STXBP5L: variants seen among roughly 807,000 people sequenced by gnomAD.
The protein encoded by STXBP5L is syntaxin-binding protein 5-like.
Under a neutral mutation model 144.5 loss-of-function variants are expected in STXBP5L, and 65 were observed. The observed-to-expected ratio is 0.45, with a 90% CI of 0.37 to 0.55. The LOEUF (loss-of-function observed/expected upper bound fraction) is 0.55, where lower values mean the gene tolerates loss of function less well. STXBP5L is among the 20% of genes least tolerant of loss of function. The pLI is 0.00. For synonymous variants in STXBP5L, 505 were observed against 469.6 expected, an observed-to-expected ratio of 1.08 and a Z score of -0.97; for missense variants, 1,298 against 1,405.5, an observed-to-expected ratio of 0.92 and a Z score of 1.22.
At chr3:121,377,867 A>C (rs1376986109) in intron 20 of STXBP5L, among the ~76,000 whole-genome samples, 2 of 152,230 alleles carry the variant, frequency 1.3e-5, no homozygotes, top group African/African-American at 4.8e-5. Context: ...AGACACATGC[A>C]CACATATGTT....
intron 3 of STXBP5L, among the ~76,000 whole-genome samples, chr3:121,002,430 T>A (rs2108051318): frequency 6.6e-6 from 1 of 152,282 alleles, no homozygotes; most frequent in African/African-American, 2.4e-5. Context: ...TATATGAGTT[T>A]CTTTTATATA....
chr3:121,223,072 C>G lies in STXBP5L; in HGVS notation c.1026C>G (p.Ile342Met). 6.2e-7 allele frequency: 1 copy of G among 1,613,104 alleles called. No individual in the cohort carries two copies. The highest frequency in any genetic ancestry group is 8.5e-7 in the Non-Finnish European group (1 of 1,179,514). ...DKACRRPSLT[I>M]MHGKAITVLE... Reference sequence around the variant, plus strand: ...CTTGTAGAAGACCAAGTTTAACCATCATGCATGGAAAAGCAATTACAGTAC... The same window carrying G: ...CTTGTAGAAGACCAAGTTTAACCATGATGCATGGAAAAGCAATTACAGTAC... The change falls in exon 11 of 27, where the codon ATC becomes ATG. Residue 342 changes from isoleucine (I) to methionine (M), a missense_variant. Coordinates refer to ENST00000471454, the MANE Select transcript of STXBP5L (RefSeq NM_001308330.2).
At chr3:121,261,353 A>C (rs1274868844) in intron 18 of STXBP5L, among the ~76,000 whole-genome samples, 1 of 152,188 alleles carries the variant, frequency 6.6e-6, no homozygotes, top group Non-Finnish European at 1.5e-5. Flanking sequence ...TTTTAAAGAA[A>C]TAAATTTTAC....
chr3:121,196,015 A>T (rs1051630100), intron 9 of STXBP5L, among the ~76,000 whole-genome samples: 4 of 151,872 alleles, frequency 2.6e-5, no homozygotes, highest in African/African-American at 9.7e-5. Flanking sequence ...GTTCAATAGT[A>T]CTTTGGCTAT....
At chr3:121,411,601 C>T (rs767947821) in intron 23 of STXBP5L, among the ~76,000 whole-genome samples, 18 of 151,978 alleles carry the variant, frequency 1.2e-4, no homozygotes, top group Admixed American at 2.0e-4. Context: ...AGCATATAGC[C>T]ATGGGGTAAG....
intron 20 of STXBP5L, among the ~76,000 whole-genome samples, chr3:121,372,318 C>T (rs1056745494): frequency 3.9e-5 from 6 of 152,148 alleles, no homozygotes; most frequent in African/African-American, 1.4e-4. Context: ...CTCACAGTTT[C>T]CCTAGGGTTA....
At chr3:121,238,906 T>G in intron 12 of STXBP5L, 65 bp from the exon 13 acceptor site, 1 of 1,406,648 alleles carries the variant, frequency 7.1e-7, no homozygotes, top group South Asian at 1.5e-5. Context: ...GGGCTTACTT[T>G]ATCAAAATTA....
intron 7 of STXBP5L, among the ~76,000 whole-genome samples, chr3:121,122,426 A>G (rs2044509093): frequency 6.6e-6 from 1 of 151,296 alleles, no homozygotes; most frequent in South Asian, 2.1e-4. Flanking sequence ...TTAAGAATTC[A>G]AAAGGTGATT....
At chr3:121,097,369 C>T (rs1319015372) in intron 5 of STXBP5L, among the ~76,000 whole-genome samples, 1 of 152,186 alleles carries the variant, frequency 6.6e-6, no homozygotes, top group Non-Finnish European at 1.5e-5. Flanking sequence ...GAAAGAAAAA[C>T]ACCTGCAGCT....
Position 121,114,929 on chromosome 3 carries a change from A to G in STXBP5L, c.475A>G (p.Thr159Ala). The change falls in exon 6 of 27, where the codon ACT becomes GCT. Residue 159 changes from threonine to alanine, a missense_variant. By Grantham distance (58) the Thr-to-Ala change is moderately conservative (BLOSUM62 0). Coordinates refer to ENST00000471454, the MANE Select transcript of STXBP5L (RefSeq NM_001308330.2). ...HSLKFNRERI[T>A]YCHLPFQSKW... ...TTATAATTTTCTTTCTTTCAGAATT[A>G]CTTACTGTCATCTACCTTTCCAGAG... 6.6e-7 allele frequency: 1 copy of G among 1,522,842 alleles called. No homozygotes were observed. The highest frequency in any genetic ancestry group is 8.8e-7 in the Non-Finnish European group (1 of 1,138,100). 94.3% of individuals were successfully genotyped at this position (1,522,842 alleles called of 1,614,324 possible).
At chr3:121,051,030 G>T (rs900672985) in intron 5 of STXBP5L, among the ~76,000 whole-genome samples, 7 of 152,156 alleles carry the variant, frequency 4.6e-5, no homozygotes, top group Admixed American at 1.3e-4. Context: ...AACAAGAAGA[G>T]CTAACTATCC....
intron 11 of STXBP5L, among the ~76,000 whole-genome samples, chr3:121,227,216 G>A (rs1373373390): frequency 6.6e-6 from 1 of 152,110 alleles, no homozygotes; most frequent in Non-Finnish European, 1.5e-5. Flanking sequence ...AAATTTCCTT[G>A]AATTTGGAAA....
chr3:121,161,534 G>A (rs1176600982), intron 9 of STXBP5L, among the ~76,000 whole-genome samples: 2 of 151,666 alleles, frequency 1.3e-5, no homozygotes, highest in African/African-American at 4.8e-5. Context: ...ATTCTGTTAA[G>A]GGTTCTACCA....
At position 121,172,789 on chromosome 3, in the gene STXBP5L, A is replaced by G. The variant is rs188463024; in HGVS notation, c.877+15162A>G. 9.8e-5 allele frequency among the ~76,000 whole-genome samples: 15 copies of G among 152,360 alleles called. No individual in the cohort carries two copies. The East Asian group carries it at 2.9e-3, about 29-fold the overall frequency. ...CCCTGTGGTGATTCCTCAAGGATCT[A>G]GAACTAGAAATACCATTTAACTCAG... On this transcript the variant is annotated intron_variant, in intron 9 of 26. Transcript: ENST00000471454.
intron 5 of STXBP5L, among the ~76,000 whole-genome samples, chr3:121,060,120 G>C (rs1171386562): frequency 6.6e-6 from 1 of 152,108 alleles, no homozygotes; most frequent in Non-Finnish European, 1.5e-5. Flanking sequence ...GTCATAAATA[G>C]CTCTTATTAT....
chr3:121,038,092 G>A (rs1173368066), intron 3 of STXBP5L, among the ~76,000 whole-genome samples: 2 of 151,682 alleles, frequency 1.3e-5, no homozygotes, highest in African/African-American at 4.8e-5. Context: ...TTTCAAACTA[G>A]GTTTTGGTTT....
At chr3:121,213,572 G>A (rs1373822528) in intron 10 of STXBP5L, among the ~76,000 whole-genome samples, 2 of 152,144 alleles carry the variant, frequency 1.3e-5, no homozygotes, top group African/African-American at 2.4e-5. Context: ...CAACTTGATC[G>A]TGGTGGATAA....
intron 20 of STXBP5L, among the ~76,000 whole-genome samples, chr3:121,362,560 A>G (rs1272429960): frequency 2.6e-5 from 4 of 152,054 alleles, no homozygotes; most frequent in East Asian, 1.9e-4. Context: ...TAACATTCCA[A>G]TAAGGTCCAA....
intron 3 of STXBP5L, among the ~76,000 whole-genome samples, chr3:120,964,258 TG>T (rs1187166120): frequency 6.6e-6 from 1 of 152,214 alleles, no homozygotes; most frequent in African/African-American, 2.4e-5. Flanking sequence ...AAGGGTTTTT[TG>T]TGTCTCTATC....
Sources: gnomAD v4.1 joint callset for allele counts (sites outside exome capture counted in the v4.1 genomes callset) on GRCh38, gnomAD v4.1.1 for gene constraint, MANE v1.5 for transcripts, NCBI Gene and HGNC (gene_info 2026-07-23, HGNC 2026-07-21) for gene names.